Variants in ALDH7A1 observed in about 807,000 individuals in gnomAD.
ALDH7A1 encodes alpha-aminoadipic semialdehyde dehydrogenase.
ALDH7A1 carries 63 observed loss-of-function variants against 79.9 expected under a neutral mutation model. The observed-to-expected ratio is 0.79, with a 90% CI of 0.64 to 0.97. The LOEUF (loss-of-function observed/expected upper bound fraction) is 0.97. Among genes scored for constraint, ALDH7A1 ranks in the 50% least tolerant of loss-of-function variants. The pLI is 0.00. For synonymous variants in ALDH7A1, 240 were observed against 231.2 expected (o/e 1.04, Z -0.34); for missense variants, 627 against 665.2 (o/e 0.94, Z 0.63).
chr5:126,552,136 A>T lies in ALDH7A1; in HGVS notation c.1202T>A (p.Val401Asp). ...EGGTVVYGGK[V>D]MDRPGNYVEP... Reference sequence around the variant, plus strand: ...TACATAATTTCCAGGGCGATCCATAACCTAATGCAGAGAAATGAAATAAAA... The same window carrying T: ...TACATAATTTCCAGGGCGATCCATATCCTAATGCAGAGAAATGAAATAAAA... Residue 401 changes from valine (V) to aspartate (D), a missense_variant and splice_region_variant, in exon 14 of 18, where the codon GTT (valine) becomes GAT (aspartate). Coordinates refer to ENST00000409134, the MANE Select transcript of ALDH7A1 (RefSeq NM_001182.5). 1 of 1,611,724 alleles carries T rather than the reference A, an allele frequency of 6.2e-7. No homozygotes were observed. The highest frequency in any genetic ancestry group is 8.5e-7 in the Non-Finnish European group (1 of 1,177,838).
At chr5:126,554,241 A>G in intron 13 of ALDH7A1, 46 bp downstream of exon 13, 1 of 1,559,436 alleles carries the variant, frequency 6.4e-7, no homozygotes, top group South Asian at 1.1e-5. Flanking sequence ...TCTCAGGGAA[A>G]AGAAGGTTAA....
At chr5:126,562,892 A>G (rs1243939091) in intron 9 of ALDH7A1, among the ~76,000 whole-genome samples, 1 of 152,184 alleles carries the variant, frequency 6.6e-6, no homozygotes, top group Non-Finnish European at 1.5e-5. Context: ...TAGTCACTAA[A>G]GGACAAATAC....
intron 2 of ALDH7A1, among the ~76,000 whole-genome samples, chr5:126,593,039 T>C (rs1284401820): frequency 6.6e-6 from 1 of 152,136 alleles, no homozygotes; most frequent in Non-Finnish European, 1.5e-5. Context: ...AATCAGAAGC[T>C]TCATTCTAAC....
At chr5:126,561,184 G>T in intron 9 of ALDH7A1, 60 bp from the exon 10 acceptor site, 2 of 1,326,754 alleles carry the variant, frequency 1.5e-6, no homozygotes, top group Non-Finnish European at 2.1e-6. Context: ...ACTGCACACT[G>T]CTACACAGCC....
At chr5:126,559,873 C>T (rs1750343440) in intron 10 of ALDH7A1, among the ~76,000 whole-genome samples, 2 of 151,780 alleles carry the variant, frequency 1.3e-5, no homozygotes, top group African/African-American at 4.8e-5. Flanking sequence ...TGATCTTTAC[C>T]CAGATATACA....
In ALDH7A1 at chr5:126,577,174, T is replaced by C. The variant is rs1354920003; in HGVS notation, c.555A>G (p.Val185=). Residue 185 remains valine, a synonymous_variant, in exon 6 of 18, where the codon GTA becomes GTG. Transcript: ENST00000409134. ...GHALIEQWNP[V]GLVGIITAFN... Reference sequence around the variant, plus strand: ...ATGCCGTGATGATTCCAACCAGGCCTACGGGATTCCACTGCTCAATCAGTG... The same window carrying C: ...ATGCCGTGATGATTCCAACCAGGCCCACGGGATTCCACTGCTCAATCAGTG... The C allele has an allele frequency of 2.5e-6, 4 of 1,614,064 alleles. No homozygotes were observed. Among genetic ancestry groups the C allele is most frequent in the Non-Finnish European group, 3.4e-6 (4 of 1,180,050 alleles).
intron 1 of ALDH7A1, chr5:126,594,207 C>T (rs1454341686): frequency 2.1e-6 from 1 of 470,956 alleles, no homozygotes; most frequent in Admixed American, 2.4e-5. Context: ...ATCCAGTCCT[C>T]AAAGGAGTTC....
intron 10 of ALDH7A1, among the ~76,000 whole-genome samples, chr5:126,559,781 A>G (rs1750337077): frequency 6.6e-6 from 1 of 152,152 alleles, no homozygotes; most frequent in East Asian, 1.9e-4. Context: ...ATTGTTGTAA[A>G]GTAACCATAT....
intron 1 of ALDH7A1, 149 bp downstream of exon 1, chr5:126,594,858 C>A (rs1751687145): frequency 1.9e-6 from 2 of 1,066,736 alleles, no homozygotes; most frequent in South Asian, 1.4e-5. Context: ...TTAAAGGCAC[C>A]CTACACGAGA....
Position 126,577,158 on chromosome 5 carries a change from T to C in ALDH7A1, c.571A>G (p.Ile191Val), listed in dbSNP as rs1060499755. 6.2e-7 allele frequency: 1 copy of C among 1,614,180 alleles called. No homozygotes were observed. Among genetic ancestry groups the C allele is most frequent in the Middle Eastern group, 1.6e-4 (1 of 6,062 alleles). Reference sequence around the variant, plus strand: ...GCCACAGGGAAATTGAATGCCGTGATGATTCCAACCAGGCCTACGGGATTC... The same window carrying C: ...GCCACAGGGAAATTGAATGCCGTGACGATTCCAACCAGGCCTACGGGATTC... ...QWNPVGLVGI[I>V]TAFNFPVAVY... Residue 191 changes from isoleucine to valine, a missense_variant, in exon 6 of 18, where the codon ATC (isoleucine) becomes GTC (valine). By Grantham distance (29) the Ile-to-Val change is conservative. Coordinates refer to ENST00000409134, the MANE Select transcript of ALDH7A1 (RefSeq NM_001182.5).
intron 3 of ALDH7A1, among the ~76,000 whole-genome samples, chr5:126,584,678 AAG>A (rs1491090376): frequency 6.7e-6 from 1 of 148,980 alleles, no homozygotes; most frequent in Non-Finnish European, 1.5e-5. Context: ...AAAAAAAAAA[AAG>A]ATTGCAGTGG....
chr5:126,552,004 A>G lies in ALDH7A1; in HGVS notation c.1317+17T>C. ...ATTTATTTCAACATCAGGCTAGCGA[A>G]CAGAATGCATTTTTACCTTGAATTT... is the stretch of plus-strand genomic sequence containing the variant. On this transcript the variant is annotated intron_variant, in intron 14 of 17. Coordinates refer to ENST00000409134, the MANE Select transcript of ALDH7A1 (RefSeq NM_001182.5). 6.4e-7 allele frequency: 1 copy of G among 1,566,048 alleles called. No homozygotes were observed. Among genetic ancestry groups the G allele is most frequent in the Non-Finnish European group, 8.8e-7 (1 of 1,137,504 alleles).
chr5:126,544,939 T>G lies in ALDH7A1; in HGVS notation c.*26A>C. On this transcript the variant is annotated 3_prime_UTR_variant, in exon 18 of 18. Coordinates refer to ENST00000409134, the MANE Select transcript of ALDH7A1 (RefSeq NM_001182.5). ...AAAACAGCTGCTGGAACACCTCAAA[T>G]TAAGGGATGTTCATCTAAAACACCT... The G allele has an allele frequency of 3.8e-6, 6 of 1,580,696 alleles. No individual in the cohort carries two copies. Among genetic ancestry groups the G allele is most frequent in the Non-Finnish European group, 5.2e-6 (6 of 1,150,076 alleles).
chr5:126,576,021 G>C (rs1262014092), intron 6 of ALDH7A1, among the ~76,000 whole-genome samples: 1 of 152,096 alleles, frequency 6.6e-6, no homozygotes, highest in Admixed American at 6.5e-5. Flanking sequence ...CAGCACTCTG[G>C]GGGGCCGAGA....
Position 126,556,354 on chromosome 5 carries a change from T to C in ALDH7A1, c.1009-339A>G, listed in dbSNP as rs1467522739. 4.6e-5 allele frequency among the ~76,000 whole-genome samples: 7 copies of C among 150,812 alleles called. No individual in the cohort carries two copies. In the East Asian group the frequency reaches 8.0e-4, roughly 17 times the overall value. On this transcript the variant is annotated intron_variant, in intron 11 of 17. Coordinates refer to ENST00000409134, the MANE Select transcript of ALDH7A1 (RefSeq NM_001182.5). ...ACTTCCCGGGTTCAAGCGATTCTTA[T>C]ACCTCAGCCTCCCGAGCAGCTGGAA...
rs772766995 is a variant in ALDH7A1, at chr5:126,550,199, A to AC, written c.1411_1412insG (p.Leu471ArgfsTer4). Reference sequence around the variant, plus strand: ...TTCAAAATAGACAAAGTTGTACCCAAGCCAGCGAAAGATTCTGCCCAGATC... The same window carrying AC: ...TTCAAAATAGACAAAGTTGTACCCAACGCCAGCGAAAGATTCTGCCCAGATC... On this transcript the variant is annotated frameshift_variant, in exon 15 of 18. Transcript: ENST00000409134. LOFTEE classifies it high-confidence loss of function. The AC allele has an allele frequency of 8.7e-6, 14 of 1,612,266 alleles. No individual in the cohort carries two copies. The South Asian group carries it at 1.5e-4, about 18-fold the overall frequency.
chr5:126,583,739 C>T (rs1311667206), intron 4 of ALDH7A1, among the ~76,000 whole-genome samples, 193 bp downstream of exon 4: 8 of 151,542 alleles, frequency 5.3e-5, no homozygotes, highest in African/African-American at 1.9e-4. Flanking sequence ...ACTCGGGAGG[C>T]TCAGGCAGGG....
chr5:126,576,054 G>C (rs1750953584), intron 6 of ALDH7A1, among the ~76,000 whole-genome samples: 1 of 152,096 alleles, frequency 6.6e-6, no homozygotes, highest in Admixed American at 6.6e-5. Context: ...GAGGTCATGA[G>C]ATTGAGACCA....
At chr5:126,562,023 T>A (rs1002328922) in intron 9 of ALDH7A1, 1 of 152,102 alleles carries the variant, frequency 6.6e-6, no homozygotes, top group Non-Finnish European at 1.5e-5. Flanking sequence ...ATTCCACTTC[T>A]GAGTATATAA....
Sources: allele counts gnomAD v4.1 joint callset (sites outside exome capture counted in the v4.1 genomes callset), GRCh38; gene constraint gnomAD v4.1.1; transcripts MANE v1.5; gene names NCBI Gene and HGNC (gene_info 2026-07-23, HGNC 2026-07-21).